The following ARID1B variants were observed in gnomAD, a reference collection of about 807,000 sequenced individuals.
The protein encoded by ARID1B is AT-rich interaction domain 1B.
A neutral mutation model predicts 212.3 loss-of-function variants in ARID1B; 30 were observed. That is an observed-to-expected ratio of 0.14 (90% confidence interval 0.11 to 0.19). The LOEUF is 0.19. Among genes scored for constraint, ARID1B ranks in the 10% least tolerant of loss-of-function variants. ARID1B has a pLI of 1.00. For synonymous variants in ARID1B, 1,402 were observed against 1,301.7 expected, an observed-to-expected ratio of 1.08 and a Z score of -1.66; for missense variants, 2,891 against 3,204.0, an observed-to-expected ratio of 0.90 and a Z score of 2.36.
chr6:157,090,001 C>T (rs1785180810), intron 5 of ARID1B, among the ~76,000 whole-genome samples: 2 of 152,244 alleles, frequency 1.3e-5, no homozygotes, highest in Middle Eastern at 3.4e-3. Flanking sequence ...CCTGATTGCC[C>T]CTAATGCATG....
At chr6:157,196,017 C>A in intron 15 of ARID1B, 148 bp from the exon 16 acceptor site, 1 of 958,096 alleles carries the variant, frequency 1.0e-6, no homozygotes, top group Non-Finnish European at 1.5e-6. Context: ...GCCAAGATCA[C>A]ACCACTGCAT....
chr6:156,970,202 T>A (rs6927807), intron 4 of ARID1B, among the ~76,000 whole-genome samples: 5,043 of 152,184 alleles, frequency 0.033, 280 homozygotes, highest in African/African-American at 0.11. Context: ...TGCCTCAGCC[T>A]CCTGAGTAGC....
intron 7 of ARID1B, among the ~76,000 whole-genome samples, chr6:157,140,409 G>A (rs932992756): frequency 1.3e-5 from 2 of 152,116 alleles, no homozygotes; most frequent in East Asian, 1.9e-4. Flanking sequence ...GGCGGAGGTT[G>A]CAGTGAGCCG....
intron 8 of ARID1B, among the ~76,000 whole-genome samples, chr6:157,152,916 C>G (rs1790307596): frequency 6.6e-6 from 1 of 152,144 alleles, no homozygotes; most frequent in Non-Finnish European, 1.5e-5. Context: ...GGCACAATCC[C>G]AAAGGACCTA....
intron 1 of ARID1B, among the ~76,000 whole-genome samples, chr6:156,809,803 G>A (rs1460970117): frequency 2.0e-5 from 3 of 152,082 alleles, no homozygotes; most frequent in Non-Finnish European, 4.4e-5. Flanking sequence ...GTGGCTGAGG[G>A]CCACCAGAAA....
At chr6:156,882,741 G>A (rs911877302) in intron 2 of ARID1B, among the ~76,000 whole-genome samples, 3 of 152,142 alleles carry the variant, frequency 2.0e-5, no homozygotes, top group African/African-American at 4.8e-5. Context: ...AGTTTAAAAC[G>A]TTTAAAAGTG....
chr6:157,045,326 A>C (rs1337405754), intron 4 of ARID1B, among the ~76,000 whole-genome samples: 1 of 152,268 alleles, frequency 6.6e-6, no homozygotes, highest in Non-Finnish European at 1.5e-5. Context: ...GATTCTACCC[A>C]ATAAAATAGT....
chr6:157,186,345 T>G (rs1219430640), intron 13 of ARID1B: 1 of 430,240 alleles, frequency 2.3e-6, no homozygotes, highest in South Asian at 1.7e-5. Context: ...CTGGTATACA[T>G]TCTTCTCAGT....
intron 1 of ARID1B, among the ~76,000 whole-genome samples, chr6:156,786,816 G>T (rs915992671): frequency 3.3e-5 from 5 of 152,210 alleles, no homozygotes. Context: ...TGCGGATCAT[G>T]CAGAGATACT....
chr6:157,156,991 G>C (rs1790620769), intron 8 of ARID1B, among the ~76,000 whole-genome samples: 1 of 152,184 alleles, frequency 6.6e-6, no homozygotes, highest in Non-Finnish European at 1.5e-5. Flanking sequence ...GGCAGAGTGT[G>C]TCTTCCTAAA....
chr6:157,160,071 A>G (rs1790833085), intron 8 of ARID1B, among the ~76,000 whole-genome samples: 1 of 152,220 alleles, frequency 6.6e-6, no homozygotes, highest in African/African-American at 2.4e-5. Context: ...CACTGAATAC[A>G]TGGAAGCTTT....
intron 3 of ARID1B, among the ~76,000 whole-genome samples, chr6:156,906,526 C>A (rs1789391354): frequency 1.0e-5 from 1 of 99,598 alleles, no homozygotes; most frequent in Non-Finnish European, 1.8e-5. Context: ...GCCTGGGCAA[C>A]AAGAGCGAAA....
At chr6:157,089,901 TG>T (rs762794191) in intron 5 of ARID1B, among the ~76,000 whole-genome samples, 29 of 151,136 alleles carry the variant, frequency 1.9e-4, no homozygotes, top group Non-Finnish European at 4.0e-4. Context: ...CACTGCTTCT[TG>T]GGTTATATCC....
chr6:156,856,493 C>A (rs1175670367), intron 2 of ARID1B, among the ~76,000 whole-genome samples: 2 of 152,098 alleles, frequency 1.3e-5, no homozygotes, highest in Non-Finnish European at 2.9e-5. Context: ...GTAACTTCCC[C>A]AAGTATTTCT....
At chr6:156,919,351 G>A (rs1790601032) in intron 3 of ARID1B, among the ~76,000 whole-genome samples, 1 of 151,690 alleles carries the variant, frequency 6.6e-6, no homozygotes, top group African/African-American at 2.4e-5. Context: ...ATAATGCTAT[G>A]TATTCATTTT....
intron 4 of ARID1B, among the ~76,000 whole-genome samples, chr6:156,983,094 C>CAA (rs373895831): frequency 3.7e-5 from 4 of 109,258 alleles, no homozygotes; most frequent in African/African-American, 7.0e-5. Flanking sequence ...GACCCTGTCT[C>CAA]AAAAAAAAAA....
chr6:157,162,630 A>G (rs887339243), intron 8 of ARID1B, among the ~76,000 whole-genome samples: 4 of 152,232 alleles, frequency 2.6e-5, no homozygotes, highest in African/African-American at 4.8e-5. Flanking sequence ...TCTGGTCCCA[A>G]CCAGATTTAA....
chr6:156,782,395 C>T (rs908269814), intron 1 of ARID1B, among the ~76,000 whole-genome samples: 2 of 151,968 alleles, frequency 1.3e-5, no homozygotes, highest in African/African-American at 2.4e-5. Flanking sequence ...AGCCATTTGA[C>T]GATTCAGTTT....
rs190653632 is a variant in ARID1B at position 157,110,488 on chromosome 6, G to T, written c.2508G>T (p.Pro836=). The T allele has an allele frequency of 1.9e-6, 3 of 1,613,972 alleles. No individual in the cohort carries two copies. In the South Asian group the frequency reaches 3.3e-5, roughly 18 times the overall value. The change falls in exon 6 of 20, where the codon CCG becomes CCT. Residue 836 remains proline, a synonymous_variant. Coordinates refer to ENST00000636930, the MANE Select transcript of ARID1B (RefSeq NM_001374828.1). ...PASIPGSQMP[P]QPPGSQSESS... ...GTTTTACAGGTAGTCAGATGCCTCC[G>T]CAGCCACCCGGGAGCCAGTCAGAAT...
Sources: allele counts gnomAD v4.1 joint callset (sites outside exome capture counted in the v4.1 genomes callset), GRCh38; gene constraint gnomAD v4.1.1; transcripts MANE v1.5; gene names NCBI Gene and HGNC (gene_info 2026-07-23, HGNC 2026-07-21).